Variants in CALN1 observed in about 807,000 individuals in gnomAD.
CALN1 encodes calneuron 1, also known as calcium-binding protein 8.
A neutral mutation model predicts 30.6 loss-of-function variants in CALN1; 17 were observed. The observed-to-expected ratio is 0.56, with a 90% CI of 0.38 to 0.83. CALN1 has a LOEUF of 0.83. CALN1 is among the 40% of genes least tolerant of loss of function. The pLI is 0.00. For missense variants in CALN1, 291 were observed against 354.9 expected (o/e 0.82, Z 1.45); for synonymous variants, 156 against 131.4 (o/e 1.19, Z -1.28).
the CALN1 span, among the ~76,000 whole-genome samples, chr7:72,466,751 G>A: frequency 1.4e-5 from 2 of 147,110 alleles, no homozygotes; most frequent in Non-Finnish European, 1.5e-5. Flanking sequence ...AAGAAAGAAA[G>A]AGAGAAAGAG....
At chr7:72,099,201 A>C (rs1422169255) in intron 4 of CALN1, among the ~76,000 whole-genome samples, 1 of 151,692 alleles carries the variant, frequency 6.6e-6, no homozygotes, top group Non-Finnish European at 1.5e-5. Context: ...GCCTGCCCAG[A>C]TACTGGGGTG....
intron 5 of CALN1, among the ~76,000 whole-genome samples, chr7:71,953,068 T>A (rs1393117690): frequency 1.3e-5 from 2 of 152,098 alleles, no homozygotes; most frequent in African/African-American, 4.8e-5. Context: ...GCAATCCTCC[T>A]TCCTCAACCT....
intron 5 of CALN1, among the ~76,000 whole-genome samples, chr7:71,958,072 AAAAAAAAAAAAGAAAGAAAG>A (rs1274083698): frequency 2.0e-5 from 3 of 150,992 alleles, no homozygotes; most frequent in Non-Finnish European, 4.4e-5. Flanking sequence ...TCTCAAAAAA[AAAAAAAAAAAAGAAAGAAAG>A]AAAAAAAAAG....
At chr7:72,463,591 A>C in the CALN1 span, among the ~76,000 whole-genome samples, 1 of 151,920 alleles carries the variant, frequency 6.6e-6, no homozygotes, top group Admixed American at 6.6e-5. Flanking sequence ...TCAGTGTCTC[A>C]CTCTGTCTCC....
chr7:72,283,028 C>T (rs1797836126), intron 2 of CALN1, among the ~76,000 whole-genome samples: 2 of 148,338 alleles, frequency 1.3e-5, no homozygotes, highest in South Asian at 2.2e-4. Flanking sequence ...GCACTCCAGC[C>T]TGGGTGATCG....
At chr7:72,398,750 T>C (rs1004151157) in intron 2 of CALN1, among the ~76,000 whole-genome samples, 1 of 152,194 alleles carries the variant, frequency 6.6e-6, no homozygotes, top group African/African-American at 2.4e-5. Flanking sequence ...TTATCCCAAA[T>C]ACATACGCAC....
At chr7:72,115,226 T>C (rs371290975) in intron 3 of CALN1, among the ~76,000 whole-genome samples, 1 of 145,582 alleles carries the variant, frequency 6.9e-6, no homozygotes, top group Admixed American at 6.9e-5. Flanking sequence ...ATATATACTA[T>C]ATATAATATA....
At chr7:72,341,480 G>A (rs936565154) in intron 2 of CALN1, among the ~76,000 whole-genome samples, 3 of 152,184 alleles carry the variant, frequency 2.0e-5, no homozygotes, top group African/African-American at 7.2e-5. Context: ...CCGAGATTGT[G>A]CTACTGCACT....
At chr7:72,126,188 T>A (rs963776444) in intron 3 of CALN1, among the ~76,000 whole-genome samples, 3 of 152,132 alleles carry the variant, frequency 2.0e-5, no homozygotes, top group African/African-American at 7.2e-5. Flanking sequence ...CATTCCTGAG[T>A]TGCTTCACTT....
At chr7:71,893,890 A>T (rs1437998307) in intron 5 of CALN1, among the ~76,000 whole-genome samples, 1 of 152,072 alleles carries the variant, frequency 6.6e-6, no homozygotes, top group Admixed American at 6.6e-5. Context: ...TGGTCCAAAG[A>T]TCATCTCTTA....
At chr7:72,183,063 G>C (rs1205685005) in intron 3 of CALN1, among the ~76,000 whole-genome samples, 1 of 152,022 alleles carries the variant, frequency 6.6e-6, no homozygotes, top group Non-Finnish European at 1.5e-5. Context: ...TGGGGTGTTT[G>C]TTGTTTGTCT....
intron 5 of CALN1, among the ~76,000 whole-genome samples, chr7:71,833,019 T>G (rs1431730860): frequency 6.6e-6 from 1 of 152,184 alleles, no homozygotes; most frequent in African/African-American, 2.4e-5. Context: ...GCAACAGGCT[T>G]TCTTTCATCC....
the CALN1 span, among the ~76,000 whole-genome samples, chr7:72,467,433 C>T: frequency 2.0e-5 from 3 of 152,128 alleles, no homozygotes; most frequent in African/African-American, 4.8e-5. Context: ...CCCTGGAGCT[C>T]GGCCAGGACT....
the CALN1 span, among the ~76,000 whole-genome samples, chr7:72,460,510 T>C: frequency 1.3e-5 from 2 of 152,048 alleles, no homozygotes; most frequent in Non-Finnish European, 2.9e-5. Flanking sequence ...CAGGTGCCTG[T>C]AGTCCCAGCT....
chr7:72,132,324 A>C (rs544321764), intron 3 of CALN1, among the ~76,000 whole-genome samples: 1 of 152,314 alleles, frequency 6.6e-6, no homozygotes, highest in African/African-American at 2.4e-5. Flanking sequence ...TAAAGTGTTG[A>C]GTATCTCATG....
At chr7:72,456,641 C>A in the CALN1 span, among the ~76,000 whole-genome samples, 10 of 152,036 alleles carry the variant, frequency 6.6e-5, no homozygotes, top group African/African-American at 2.4e-4. Flanking sequence ...TGCTTGAGCC[C>A]AAGAACTCAA....
chr7:72,203,179 C>A (rs999341969), intron 3 of CALN1, among the ~76,000 whole-genome samples: 2 of 151,934 alleles, frequency 1.3e-5, no homozygotes, highest in Non-Finnish European at 2.9e-5. Flanking sequence ...CACACCAGGG[C>A]CTGTCGGGGG....
intron 2 of CALN1, among the ~76,000 whole-genome samples, chr7:72,389,940 G>A (rs928967780): frequency 1.4e-5 from 2 of 146,884 alleles, no homozygotes; most frequent in African/African-American, 2.5e-5. Flanking sequence ...AAAAAAAAAA[G>A]AAGAAAGAAA....
chr7:72,029,920 C>T (rs1801328753), intron 4 of CALN1, among the ~76,000 whole-genome samples: 2 of 152,198 alleles, frequency 1.3e-5, no homozygotes, highest in South Asian at 4.1e-4. Context: ...TGGTCAGAAG[C>T]ACAGGTGGCC....
Sources: allele counts gnomAD v4.1 joint callset (sites outside exome capture counted in the v4.1 genomes callset), GRCh38; gene constraint gnomAD v4.1.1; transcripts MANE v1.5; gene names NCBI Gene and HGNC (gene_info 2026-07-23, HGNC 2026-07-21).